Variants in GNA13 observed in about 807,000 individuals in gnomAD.
The protein encoded by GNA13 is G protein subunit alpha 13, also known as guanine nucleotide-binding protein subunit alpha-13.
GNA13 carries 4 observed loss-of-function variants against 33.5 expected under a neutral mutation model. The ratio of observed to expected loss-of-function variants is 0.12; its 90% CI spans 0.06 to 0.27. The LOEUF (loss-of-function observed/expected upper bound fraction) is 0.27, where lower values mean the gene tolerates loss of function less well. Ranked by LOEUF, GNA13 falls within the 10% of genes least tolerant of loss-of-function variation. The pLI, the probability that GNA13 is intolerant of heterozygous loss-of-function variation, is 1.00. For synonymous variants in GNA13, 176 were observed against 183.8 expected, an observed-to-expected ratio of 0.96 and a Z score of 0.34; for missense variants, 319 against 487.2, an observed-to-expected ratio of 0.65 and a Z score of 3.25.
At chr17:65,056,248 C>A in intron 1 of GNA13, 63 bp downstream of exon 1, 1 of 1,064,002 alleles carries the variant, frequency 9.4e-7, no homozygotes, top group South Asian at 1.4e-5. Flanking sequence ...TGCCCCGCCC[C>A]GCACCCGCCG....
intron 2 of GNA13, among the ~76,000 whole-genome samples, chr17:65,036,568 T>A (rs116824841): frequency 0.026 from 3,988 of 152,264 alleles, 185 homozygotes; most frequent in African/African-American, 0.09. Flanking sequence ...TAGGTGGGTG[T>A]TGTGGTGCGT....
chr17:65,045,470 G>T (rs1036889), intron 2 of GNA13, among the ~76,000 whole-genome samples: 144,473 of 146,582 alleles, frequency 0.99, 71,238 homozygotes, highest in Middle Eastern at 1. Flanking sequence ...GCTGGGATCA[G>T]GCACTCCAGC....
chr17:65,052,642 T>G (rs1433470767), intron 2 of GNA13, among the ~76,000 whole-genome samples: 1 of 152,254 alleles, frequency 6.6e-6, no homozygotes, highest in African/African-American at 2.4e-5. Flanking sequence ...AAAATTTGTT[T>G]CAACTGTATT....
chr17:65,019,599 T>C (rs1025952323), intron 2 of GNA13, among the ~76,000 whole-genome samples: 3 of 152,124 alleles, frequency 2.0e-5, no homozygotes, highest in South Asian at 2.1e-4. Flanking sequence ...CTATCACTTA[T>C]TGGTAGGAGC....
intron 2 of GNA13, among the ~76,000 whole-genome samples, chr17:65,039,117 G>A (rs150175187): frequency 6.6e-6 from 1 of 152,266 alleles, no homozygotes; most frequent in East Asian, 1.9e-4. Flanking sequence ...CCACCTAGTT[G>A]ATAAAGCCAG....
chr17:65,018,120 AAAAAAAAAAAAAAAAAAAAG>A (rs1906442806), intron 3 of GNA13, 113 bp downstream of exon 3: 7 of 198,816 alleles, frequency 3.5e-5, no homozygotes, highest in African/African-American at 1.7e-4. Context: ...AAAAAAAAAA[AAAAAAAAAAAAAAAAAAAAG>A]AGAGAAAGAA....
chr17:65,020,574 T>C (rs17759911), intron 2 of GNA13, among the ~76,000 whole-genome samples: 1,815 of 152,302 alleles, frequency 0.012, 10 homozygotes, highest in Non-Finnish European at 0.019. Flanking sequence ...AAGAATATTA[T>C]GGGTTTAAGA....
At chr17:65,029,690 T>C (rs957498027) in intron 2 of GNA13, among the ~76,000 whole-genome samples, 2 of 152,154 alleles carry the variant, frequency 1.3e-5, no homozygotes, top group Admixed American at 6.5e-5. Flanking sequence ...AGACTCAAAA[T>C]CTCTTTGCTA....
intron 2 of GNA13, among the ~76,000 whole-genome samples, chr17:65,039,028 G>A (rs563758407): frequency 3.0e-3 from 461 of 152,262 alleles, no homozygotes; most frequent in African/African-American, 0.011. Flanking sequence ...CTGTCTGTAT[G>A]CCCAAACTAA....
chr17:65,030,451 A>C (rs1366138348), intron 2 of GNA13, among the ~76,000 whole-genome samples: 1 of 152,252 alleles, frequency 6.6e-6, no homozygotes, highest in East Asian at 1.9e-4. Flanking sequence ...AAATTCTGAT[A>C]ATGAGAATGT....
intron 2 of GNA13, among the ~76,000 whole-genome samples, chr17:65,028,119 G>T (rs543307090): frequency 3.9e-5 from 6 of 152,282 alleles, no homozygotes; most frequent in African/African-American, 9.6e-5. Flanking sequence ...CCAGCTACTC[G>T]GGAGGCTGAA....
chr17:65,050,202 G>C (rs1907813182), intron 2 of GNA13, among the ~76,000 whole-genome samples: 1 of 152,166 alleles, frequency 6.6e-6, no homozygotes, highest in Non-Finnish European at 1.5e-5. Flanking sequence ...ACACAAAATA[G>C]AGGAAAGGAG....
At chr17:65,045,428 G>A (rs574958627) in intron 2 of GNA13, among the ~76,000 whole-genome samples, 128 of 150,494 alleles carry the variant, frequency 8.5e-4, no homozygotes, top group African/African-American at 2.9e-3. Context: ...GCTGGGTCAG[G>A]GCTTGAACCT....
chr17:65,036,167 A>G (rs1048096395), intron 2 of GNA13, among the ~76,000 whole-genome samples: 1 of 152,226 alleles, frequency 6.6e-6, no homozygotes, highest in African/African-American at 2.4e-5. Context: ...CACACAGCCT[A>G]TAAGGAGCAC....
chr17:65,029,979 T>C (rs1482512769), intron 2 of GNA13, among the ~76,000 whole-genome samples: 1 of 152,192 alleles, frequency 6.6e-6, no homozygotes, highest in Non-Finnish European at 1.5e-5. Flanking sequence ...AGATCTTCAG[T>C]GGCATAAAGT....
intron 2 of GNA13, among the ~76,000 whole-genome samples, chr17:65,032,222 C>T (rs539892332): frequency 5.3e-5 from 8 of 152,156 alleles, no homozygotes; most frequent in African/African-American, 9.6e-5. Context: ...CAAGACTTTT[C>T]GATTCAACCC....
intron 2 of GNA13, among the ~76,000 whole-genome samples, chr17:65,030,160 G>A (rs1430799733): frequency 6.6e-6 from 1 of 152,210 alleles, no homozygotes; most frequent in African/African-American, 2.4e-5. Flanking sequence ...GTAGTTCGAA[G>A]AGAATAATAT....
rs1323937717 is a variant in GNA13 at position 65,056,722 on chromosome 17, G to A, written c.-129C>T. 14 of 544,196 alleles carry A rather than the reference G, an allele frequency of 2.6e-5. No individual in the cohort carries two copies. Among genetic ancestry groups the A allele is most frequent in the Non-Finnish European group, 3.9e-5 (14 of 360,972 alleles). The allele number at this position is 544,196 out of a possible 1,614,324, so 33.7% of individuals were successfully genotyped here. On this transcript the variant is annotated 5_prime_UTR_variant, in exon 1 of 4. Coordinates refer to ENST00000439174, the MANE Select transcript of GNA13 (RefSeq NM_006572.6). Reference sequence around the variant, plus strand: ...GCGGCGGCCCGAGCGCGCCCAGGGAGGGAGGGAACCAGCGAACTGACTCGC... The same window carrying A: ...GCGGCGGCCCGAGCGCGCCCAGGGAAGGAGGGAACCAGCGAACTGACTCGC...
intron 2 of GNA13, among the ~76,000 whole-genome samples, chr17:65,040,499 G>A (rs1025957828): frequency 3.9e-5 from 6 of 152,112 alleles, no homozygotes; most frequent in Admixed American, 3.3e-4. Flanking sequence ...TGAACATACA[G>A]TATTATTTAG....
Sources: gnomAD v4.1 joint callset for allele counts (sites outside exome capture counted in the v4.1 genomes callset) on GRCh38, gnomAD v4.1.1 for gene constraint, MANE v1.5 for transcripts, NCBI Gene and HGNC (gene_info 2026-07-23, HGNC 2026-07-21) for gene names.